PIK3CB: variants seen among roughly 807,000 people sequenced by gnomAD.
PIK3CB encodes the protein phosphatidylinositol 4,5-bisphosphate 3-kinase catalytic subunit beta isoform.
A neutral mutation model predicts 136.8 loss-of-function variants in PIK3CB; 39 were observed. That is an observed-to-expected ratio of 0.29 (90% CI 0.22 to 0.37). The LOEUF (loss-of-function observed/expected upper bound fraction) is 0.37. PIK3CB is among the 10% of genes least tolerant of loss of function. PIK3CB has a pLI of 1.00. For synonymous variants in PIK3CB, 428 were observed against 436.6 expected (o/e 0.98, Z 0.25); for missense variants, 868 against 1,275.4 (o/e 0.68, Z 4.87).
At chr3:138,768,807 C>A (rs2045765138) in intron 2 of PIK3CB, among the ~76,000 whole-genome samples, 1 of 152,222 alleles carries the variant, frequency 6.6e-6, no homozygotes, top group Admixed American at 6.5e-5. Flanking sequence ...GATGTGACAA[C>A]ACTTGGGCTT....
At position 138,684,244 on chromosome 3, in the gene PIK3CB, A is replaced by G. The variant is rs2043837400; in HGVS notation, c.2315+381T>C. Among the ~76,000 whole-genome samples the G allele has an allele frequency of 2.0e-5, 3 of 152,226 alleles. No homozygotes were observed. In the South Asian group the frequency reaches 6.2e-4, roughly 31 times the overall value. ...TTTGTAGGGAATGAGAAAGTGAGAA[A>G]TAAGTTGCCAAATTCACTCAAGACA... On this transcript the variant is annotated intron_variant, in intron 17 of 23. Transcript: ENST00000674063.
intron 9 of PIK3CB, among the ~76,000 whole-genome samples, chr3:138,714,210 C>CTTAT (rs1255398481): frequency 5.9e-5 from 9 of 151,890 alleles, no homozygotes; most frequent in African/African-American, 1.9e-4. Context: ...TAATAAAACA[C>CTTAT]TTATAAAATA....
chr3:138,808,992 C>T (rs967035129), intron 1 of PIK3CB, among the ~76,000 whole-genome samples: 1 of 152,018 alleles, frequency 6.6e-6, no homozygotes, highest in Admixed American at 6.6e-5. Context: ...TTTATTAAAA[C>T]CTACAACTTC....
At chr3:138,772,166 T>C (rs1431950262) in intron 2 of PIK3CB, among the ~76,000 whole-genome samples, 3 of 151,882 alleles carry the variant, frequency 2.0e-5, no homozygotes, top group Admixed American at 2.0e-4. Context: ...ATGAAAAAAA[T>C]CCAAATATAA....
chr3:138,777,838 A>C (rs1211974996), intron 2 of PIK3CB: 1 of 213,750 alleles, frequency 4.7e-6, no homozygotes, highest in African/African-American at 2.3e-5. Flanking sequence ...AATGAAAGTG[A>C]AAGCCAGGTA....
In PIK3CB at chr3:138,682,004, T is replaced by G. The variant is rs1158088001; in HGVS notation, c.2467A>C (p.Met823Leu). 1 of 1,611,504 alleles carries G rather than the reference T, an allele frequency of 6.2e-7. No homozygotes were observed. The highest frequency in any genetic ancestry group is 1.7e-5 in the Admixed American group (1 of 59,724). ...DMLTLQMLRL[M>L]DLLWKEAGLD... ...CCAGCTTCTTTCCAGAGTAAATCCA[T>G]CAAGCGCAACATTTGGAGTGTCAAC... The change falls in exon 19 of 24, where the codon ATG becomes CTG. Residue 823 changes from methionine to leucine, a missense_variant. By Grantham distance (15) the Met-to-Leu change is conservative. Transcript: ENST00000674063.
intron 1 of PIK3CB, among the ~76,000 whole-genome samples, chr3:138,804,607 TAAG>T (rs2046211058): frequency 6.6e-6 from 1 of 152,234 alleles, no homozygotes; most frequent in Non-Finnish European, 1.5e-5. Context: ...TATCAACTCT[TAAG>T]AACAAAATCG....
At chr3:138,698,346 C>T (rs1004003909) in intron 13 of PIK3CB, among the ~76,000 whole-genome samples, 7 of 152,130 alleles carry the variant, frequency 4.6e-5, no homozygotes, top group Non-Finnish European at 7.4e-5. Context: ...AATGCCAGTG[C>T]TTTTTGGCAG....
intron 1 of PIK3CB, among the ~76,000 whole-genome samples, chr3:138,833,461 TAAAC>T (rs1384374846): frequency 6.6e-6 from 1 of 152,172 alleles, no homozygotes; most frequent in Admixed American, 6.5e-5. Context: ...TATTATGACT[TAAAC>T]AGTTCTGCTT....
Position 138,656,255 on chromosome 3 carries a change from C to G in PIK3CB, c.2962G>C (p.Asp988His). 1 of 1,614,128 alleles carries G rather than the reference C, an allele frequency of 6.2e-7. No homozygotes were observed. Among genetic ancestry groups the G allele is most frequent in the Non-Finnish European group, 8.5e-7 (1 of 1,180,018 alleles). The change falls in exon 23 of 24, where the codon GAT becomes CAT. Residue 988 changes from aspartate (D) to histidine (H), a missense_variant. Physicochemically the swap from Asp to His is moderately conservative, Grantham distance 81. Transcript: ENST00000674063. ...KFGRFRQCCEDAYLILRRHGN... is the reference protein window; with the variant it reads ...KFGRFRQCCEHAYLILRRHGN... ...TGCCGTCGTAAAATCAGATATGCAT[C>G]CTCACAACACTGGCGGAACCTTTGG...
chr3:138,679,043 G>A (rs911674290), intron 19 of PIK3CB, among the ~76,000 whole-genome samples: 5 of 152,028 alleles, frequency 3.3e-5, no homozygotes, highest in African/African-American at 1.2e-4. Flanking sequence ...TCCAGCCTGG[G>A]TGACAGAGTA....
At chr3:138,664,080 T>C (rs1354067037) in intron 20 of PIK3CB, 51 bp from the exon 21 acceptor site, 10 of 1,597,898 alleles carry the variant, frequency 6.3e-6, no homozygotes, top group Admixed American at 1.8e-5. Flanking sequence ...CCTCCAAGCG[T>C]GTAGAGTGAG....
chr3:138,709,199 C>A (rs2044443121), intron 10 of PIK3CB, among the ~76,000 whole-genome samples: 1 of 151,480 alleles, frequency 6.6e-6, no homozygotes, highest in Non-Finnish European at 1.5e-5. Context: ...ATCAATAAAC[C>A]CACCTCTAAG....
chr3:138,725,855 T>C (rs2044825326), intron 8 of PIK3CB, among the ~76,000 whole-genome samples: 1 of 152,244 alleles, frequency 6.6e-6, no homozygotes, highest in African/African-American at 2.4e-5. Context: ...ACTATCATTG[T>C]CCACACAACT....
At chr3:138,755,263 T>C (rs1055504871) in intron 4 of PIK3CB, among the ~76,000 whole-genome samples, 8 of 152,222 alleles carry the variant, frequency 5.3e-5, no homozygotes, top group African/African-American at 1.2e-4. Flanking sequence ...TAATGTCTCC[T>C]TTAGTCAAGG....
chr3:138,828,171 G>T (rs6800801), intron 1 of PIK3CB, among the ~76,000 whole-genome samples: 76,543 of 149,462 alleles, frequency 0.51, 21,986 homozygotes, highest in African/African-American at 0.75. Context: ...TCATTCAACA[G>T]TAATTAAATT....
At chr3:138,657,566 G>A (rs1259536154) in intron 22 of PIK3CB, 124 bp downstream of exon 22, 25 of 789,072 alleles carry the variant, frequency 3.2e-5, no homozygotes, top group Non-Finnish European at 4.4e-5. Context: ...TCCCCCAAAA[G>A]CTTCCTATAA....
intron 4 of PIK3CB, among the ~76,000 whole-genome samples, chr3:138,744,829 G>A (rs1414143544): frequency 6.6e-6 from 1 of 152,188 alleles, no homozygotes; most frequent in African/African-American, 2.4e-5. Context: ...ATCTGGCACT[G>A]CTTCAGAAGC....
chr3:138,738,636 G>A (rs1484798897), intron 5 of PIK3CB, among the ~76,000 whole-genome samples: 2 of 152,112 alleles, frequency 1.3e-5, no homozygotes, highest in African/African-American at 4.8e-5. Flanking sequence ...AATTAAAAAT[G>A]AAGATATAGT....
Sources: gnomAD v4.1 joint callset for allele counts (sites outside exome capture counted in the v4.1 genomes callset) on GRCh38, gnomAD v4.1.1 for gene constraint, MANE v1.5 for transcripts, NCBI Gene and HGNC (gene_info 2026-07-23, HGNC 2026-07-21) for gene names.